Variants in HS3ST4 observed in about 807,000 individuals in gnomAD.
HS3ST4 encodes heparan sulfate-glucosamine 3-sulfotransferase 4.
A neutral mutation model predicts 29.2 loss-of-function variants in HS3ST4; 17 were observed. The observed-to-expected ratio is 0.58, with a 90% CI of 0.40 to 0.87. HS3ST4 has a LOEUF of 0.87. HS3ST4 is among the 40% of genes least tolerant of loss of function. The pLI is 0.00. For missense variants in HS3ST4, 627 were observed against 634.5 expected, an observed-to-expected ratio of 0.99 and a Z score of 0.13; for synonymous variants, 314 against 285.7, an observed-to-expected ratio of 1.10 and a Z score of -1.00.
At chr16:25,954,280 C>T (rs1157214764) in intron 1 of HS3ST4, among the ~76,000 whole-genome samples, 1 of 152,172 alleles carries the variant, frequency 6.6e-6, no homozygotes, top group African/African-American at 2.4e-5. Context: ...CCAAATGCTG[C>T]ATCACATAGT....
chr16:25,746,049 A>G (rs1300732703), intron 1 of HS3ST4, among the ~76,000 whole-genome samples: 1 of 152,100 alleles, frequency 6.6e-6, no homozygotes, highest in Non-Finnish European at 1.5e-5. Context: ...CAGTTCTCCC[A>G]TTGTGCATCA....
At chr16:25,775,116 G>A (rs1042370510) in intron 1 of HS3ST4, among the ~76,000 whole-genome samples, 1 of 152,188 alleles carries the variant, frequency 6.6e-6, no homozygotes, top group Non-Finnish European at 1.5e-5. Context: ...TCAAGGATTC[G>A]AGGAGCAGAA....
At chr16:26,067,301 G>T (rs945148459) in intron 1 of HS3ST4, among the ~76,000 whole-genome samples, 3 of 152,164 alleles carry the variant, frequency 2.0e-5, no homozygotes, top group Non-Finnish European at 2.9e-5. Context: ...AATCAGCATT[G>T]ATTCTCTGTC....
At chr16:25,914,036 G>A (rs1968266711) in intron 1 of HS3ST4, among the ~76,000 whole-genome samples, 1 of 149,386 alleles carries the variant, frequency 6.7e-6, no homozygotes, top group South Asian at 2.1e-4. Flanking sequence ...GGGAGCATGT[G>A]TATGTGTGTG....
chr16:26,112,250 A>ATGTGTG (rs35207548), intron 1 of HS3ST4, among the ~76,000 whole-genome samples: 8 of 148,452 alleles, frequency 5.4e-5, no homozygotes, highest in African/African-American at 2.0e-4. Context: ...GTGTGTGTGT[A>ATGTGTG]TGTGTGTGTG....
chr16:26,082,424 A>G (rs1030845792), intron 1 of HS3ST4, among the ~76,000 whole-genome samples: 3 of 152,094 alleles, frequency 2.0e-5, no homozygotes, highest in Non-Finnish European at 4.4e-5. Context: ...AGATCATCAC[A>G]TATTTAAGGG....
chr16:25,850,761 G>C (rs1263149176), intron 1 of HS3ST4, among the ~76,000 whole-genome samples: 1 of 152,134 alleles, frequency 6.6e-6, no homozygotes, highest in Non-Finnish European at 1.5e-5. Flanking sequence ...TCATACAAAG[G>C]CACAAAGACA....
intron 1 of HS3ST4, among the ~76,000 whole-genome samples, chr16:25,863,257 T>C (rs1169949540): frequency 6.6e-6 from 1 of 152,144 alleles, no homozygotes; most frequent in African/African-American, 2.4e-5. Flanking sequence ...CTAATTTTTC[T>C]ATTTTAAGTA....
At chr16:25,762,372 G>A (rs371988937) in intron 1 of HS3ST4, among the ~76,000 whole-genome samples, 4 of 152,252 alleles carry the variant, frequency 2.6e-5, no homozygotes. Context: ...GCTGGAGAAG[G>A]GGTGTGGGTG....
chr16:26,038,231 C>G (rs1243699919), intron 1 of HS3ST4, among the ~76,000 whole-genome samples: 1 of 152,128 alleles, frequency 6.6e-6, no homozygotes, highest in African/African-American at 2.4e-5. Context: ...GGTGAGTTCT[C>G]AGGTCCTTCA....
At chr16:25,965,120 A>G (rs893064608) in intron 1 of HS3ST4, among the ~76,000 whole-genome samples, 1 of 152,168 alleles carries the variant, frequency 6.6e-6, no homozygotes, top group Non-Finnish European at 1.5e-5. Context: ...CAAGTATTCT[A>G]TGAAGAAAAG....
chr16:26,094,227 A>C (rs1898895397), intron 1 of HS3ST4, among the ~76,000 whole-genome samples: 1 of 152,222 alleles, frequency 6.6e-6, no homozygotes, highest in African/African-American at 2.4e-5. Context: ...TAACCTAGCA[A>C]GGCAGGCCAA....
chr16:25,999,037 T>A (rs1265057462), intron 1 of HS3ST4, among the ~76,000 whole-genome samples: 1 of 152,172 alleles, frequency 6.6e-6, no homozygotes, highest in Admixed American at 6.6e-5. Flanking sequence ...TAATAAATAA[T>A]GTATTTAGAC....
chr16:25,872,973 T>C (rs1206170583), intron 1 of HS3ST4, among the ~76,000 whole-genome samples: 7 of 152,190 alleles, frequency 4.6e-5, no homozygotes, highest in Non-Finnish European at 8.8e-5. Context: ...GTAATCTCAG[T>C]TGAAGTCTCT....
intron 1 of HS3ST4, among the ~76,000 whole-genome samples, chr16:25,780,839 C>G (rs1966851961): frequency 6.6e-6 from 1 of 152,148 alleles, no homozygotes; most frequent in Non-Finnish European, 1.5e-5. Context: ...TCATCCTAAA[C>G]TGACTTCATT....
intron 1 of HS3ST4, among the ~76,000 whole-genome samples, chr16:26,090,428 T>C (rs983210607): frequency 1.3e-5 from 2 of 152,064 alleles, no homozygotes; most frequent in African/African-American, 2.4e-5. Flanking sequence ...GATGATTCTA[T>C]AGAAAGCATC....
At chr16:25,976,536 C>T (rs981229261) in intron 1 of HS3ST4, among the ~76,000 whole-genome samples, 10 of 152,246 alleles carry the variant, frequency 6.6e-5, no homozygotes, top group African/African-American at 2.2e-4. Context: ...CCTGCAAACA[C>T]GTTTGTGGAA....
chr16:25,798,009 G>C (rs149904955), intron 1 of HS3ST4, among the ~76,000 whole-genome samples: 1 of 152,302 alleles, frequency 6.6e-6, no homozygotes, highest in Non-Finnish European at 1.5e-5. Flanking sequence ...GATTTTTGAT[G>C]TAAGTATGTG....
chr16:25,854,917 GGGAACAATCTCA>G (rs1284735291), intron 1 of HS3ST4, among the ~76,000 whole-genome samples: 1 of 152,166 alleles, frequency 6.6e-6, no homozygotes, highest in Non-Finnish European at 1.5e-5. Flanking sequence ...AGTTGGCCTG[GGGAACAATCTCA>G]GGAGGTCCTC....
Sources: allele counts gnomAD v4.1 joint callset (sites outside exome capture counted in the v4.1 genomes callset), GRCh38; gene constraint gnomAD v4.1.1; transcripts MANE v1.5; gene names NCBI Gene and HGNC (gene_info 2026-07-23, HGNC 2026-07-21).